The following SPON1 variants were observed in gnomAD, a reference collection of about 807,000 sequenced individuals.
SPON1 encodes spondin 1.
Under a neutral mutation model 111.7 loss-of-function variants are expected in SPON1, and 52 were observed. The ratio of observed to expected loss-of-function variants is 0.47; its 90% CI spans 0.37 to 0.59. The LOEUF is 0.59. Ranked by LOEUF, SPON1 falls within the 20% of genes least tolerant of loss-of-function variation. SPON1 has a pLI of 0.00. For missense variants in SPON1, 957 were observed against 1,068.5 expected (o/e 0.90, Z 1.46); for synonymous variants, 410 against 395.8 (o/e 1.04, Z -0.43).
chr11:14,109,736 A>G (rs1286084929), intron 5 of SPON1, among the ~76,000 whole-genome samples: 1 of 152,160 alleles, frequency 6.6e-6, no homozygotes, highest in African/African-American at 2.4e-5. Context: ...CCCTTTGTTC[A>G]TTTCATTCCA....
chr11:13,984,129 C>T (rs1218304381), intron 2 of SPON1, among the ~76,000 whole-genome samples: 1 of 152,174 alleles, frequency 6.6e-6, no homozygotes, highest in Non-Finnish European at 1.5e-5. Context: ...TTGTTGGGTA[C>T]ATACCATATG....
intron 6 of SPON1, among the ~76,000 whole-genome samples, chr11:14,146,657 T>C (rs1464530611): frequency 6.6e-6 from 1 of 152,136 alleles, no homozygotes; most frequent in African/African-American, 2.4e-5. Flanking sequence ...AGAAAATGTT[T>C]GAAAAAGCAT....
At chr11:14,160,136 A>T (rs1591392999) in intron 6 of SPON1, among the ~76,000 whole-genome samples, 1 of 151,696 alleles carries the variant, frequency 6.6e-6, no homozygotes, top group East Asian at 1.9e-4. Flanking sequence ...TGGATGACCC[A>T]AATCATCTCA....
chr11:14,259,568 G>C lies in SPON1; in HGVS notation c.1698G>C (p.Glu566Asp), dbSNP rs1428981123. The C allele has an allele frequency of 1.3e-6, 2 of 1,553,420 alleles. No homozygotes were observed. Among genetic ancestry groups the C allele is most frequent in the Non-Finnish European group, 1.7e-6 (2 of 1,148,582 alleles). ...GCTGCCTGATGACCGAGTGGGGCGAGTGGGACGAGTGCAGCGCCACCTGCG... is the reference window on the plus strand; with the variant it reads ...GCTGCCTGATGACCGAGTGGGGCGACTGGGACGAGTGCAGCGCCACCTGCG... ...PSSCLMTEWG[E>D]WDECSATCGM... is the part of the protein sequence containing the mutation. The change falls in exon 13 of 16, where the codon GAG (glutamate) becomes GAC (aspartate). Residue 566 changes from glutamate (E) to aspartate (D), a missense_variant. Transcript: ENST00000576479. The surrounding 1 kb of genome is among the most constrained non-coding windows in gnomAD (Gnocchi z 5.0).
At chr11:14,167,914 T>G (rs1450548492) in intron 6 of SPON1, among the ~76,000 whole-genome samples, 1 of 152,196 alleles carries the variant, frequency 6.6e-6, no homozygotes, top group African/African-American at 2.4e-5. Flanking sequence ...AGACTTCAGT[T>G]TTGTCCCATT....
intron 5 of SPON1, among the ~76,000 whole-genome samples, chr11:14,092,559 G>A (rs1247055480): frequency 6.6e-6 from 1 of 152,170 alleles, no homozygotes; most frequent in Non-Finnish European, 1.5e-5. Context: ...TTACAAAATG[G>A]TTTGTTCCAA....
chr11:13,999,827 G>A (rs1554912271), intron 2 of SPON1, among the ~76,000 whole-genome samples: 1 of 152,044 alleles, frequency 6.6e-6, no homozygotes. Flanking sequence ...TTTTCCCTTG[G>A]ACACAAACTT....
At chr11:14,034,738 C>G (rs962747234) in intron 2 of SPON1, among the ~76,000 whole-genome samples, 15 of 152,182 alleles carry the variant, frequency 9.9e-5, no homozygotes, top group Admixed American at 2.6e-4. Flanking sequence ...TGAATCCAGA[C>G]AGATCACTCT....
chr11:14,071,501 G>A (rs557123823), intron 3 of SPON1, among the ~76,000 whole-genome samples: 1 of 151,978 alleles, frequency 6.6e-6, no homozygotes, highest in Non-Finnish European at 1.5e-5. Flanking sequence ...TATGTCTAAC[G>A]ACCCACTAGA....
intron 6 of SPON1, among the ~76,000 whole-genome samples, chr11:14,227,731 T>C (rs1412928172): frequency 6.6e-6 from 1 of 152,232 alleles, no homozygotes; most frequent in Non-Finnish European, 1.5e-5. Context: ...TATCCCCATT[T>C]TACCAATGAG....
chr11:14,203,078 T>G (rs562627957), intron 6 of SPON1, among the ~76,000 whole-genome samples: 76 of 152,222 alleles, frequency 5.0e-4, no homozygotes, highest in Non-Finnish European at 9.0e-4. Context: ...GGGCGCAAGA[T>G]GTCCTGATTT....
intron 3 of SPON1, among the ~76,000 whole-genome samples, chr11:14,043,522 T>C (rs1215854079): frequency 1.3e-5 from 2 of 152,230 alleles, no homozygotes; most frequent in Non-Finnish European, 2.9e-5. Flanking sequence ...TGCTATTGTC[T>C]GTTAGTATTT....
chr11:14,066,550 T>C (rs941859511), intron 3 of SPON1, among the ~76,000 whole-genome samples: 1 of 152,228 alleles, frequency 6.6e-6, no homozygotes, highest in Non-Finnish European at 1.5e-5. Context: ...TTCCAACAGC[T>C]GACAAATTTC....
At chr11:14,196,176 CA>C (rs1400365127) in intron 6 of SPON1, among the ~76,000 whole-genome samples, 4 of 152,156 alleles carry the variant, frequency 2.6e-5, no homozygotes, top group African/African-American at 4.8e-5. Context: ...CAGAGCTTCT[CA>C]GGGGGAGAGA....
intron 7 of SPON1, among the ~76,000 whole-genome samples, chr11:14,245,762 C>T (rs1374785317): frequency 6.6e-6 from 1 of 152,134 alleles, no homozygotes; most frequent in Non-Finnish European, 1.5e-5. Flanking sequence ...TCTGGATCCT[C>T]CCTAAGGAAG....
intron 6 of SPON1, among the ~76,000 whole-genome samples, chr11:14,177,876 G>A (rs1006455048): frequency 1.3e-5 from 2 of 152,204 alleles, no homozygotes; most frequent in Non-Finnish European, 2.9e-5. Flanking sequence ...CTGTTTCACT[G>A]TCTCAGTCAT....
chr11:14,047,167 C>A (rs552336692), intron 3 of SPON1, among the ~76,000 whole-genome samples: 13 of 151,974 alleles, frequency 8.6e-5, no homozygotes, highest in Admixed American at 7.9e-4. Context: ...CCTTTTGTTT[C>A]TTTTTTATGT....
In SPON1 at chr11:14,096,120, T is replaced by A. The variant is rs1849099053; in HGVS notation, c.676+16099T>A. Among the ~76,000 whole-genome samples the A allele has an allele frequency of 2.0e-5, 3 of 152,356 alleles. No homozygotes were observed. In the South Asian group the frequency reaches 6.2e-4, roughly 32 times the overall value. On this transcript the variant is annotated intron_variant, in intron 5 of 15. Transcript: ENST00000576479. ...AAAGGGCAAAAGAGAAAGGATTAAA[T>A]ATCTTCTTTACCCTTTTTCTCTTGC...
At chr11:14,159,456 A>G (rs541929056) in intron 6 of SPON1, among the ~76,000 whole-genome samples, 7 of 152,278 alleles carry the variant, frequency 4.6e-5, no homozygotes, top group Admixed American at 4.6e-4. Flanking sequence ...TACAAGAACT[A>G]TGGAGAATAA....
Sources: gnomAD v4.1 joint callset for allele counts (sites outside exome capture counted in the v4.1 genomes callset) on GRCh38, gnomAD v4.1.1 for gene constraint, Gnocchi (gnomAD v3.1) non-coding constraint, MANE v1.5 for transcripts, NCBI Gene and HGNC (gene_info 2026-07-23, HGNC 2026-07-21) for gene names.